The following PDE4D variants were observed in gnomAD, a reference collection of about 807,000 sequenced individuals.
PDE4D encodes phosphodiesterase 4D.
In PDE4D, 24 loss-of-function variants were observed where a neutral mutation model predicts 87.4. The ratio of observed to expected loss-of-function variants is 0.27; its 90% confidence interval spans 0.20 to 0.39. PDE4D has a LOEUF of 0.39. Ranked by LOEUF, PDE4D falls within the 10% of genes least tolerant of loss-of-function variation. The pLI is 1.00. For synonymous variants in PDE4D, 384 were observed against 383.2 expected (o/e 1.00, Z -0.02); for missense variants, 714 against 1,041.0 (o/e 0.69, Z 4.32).
At chr5:59,009,525 T>A (rs1341642910) in intron 6 of PDE4D, among the ~76,000 whole-genome samples, 1 of 152,178 alleles carries the variant, frequency 6.6e-6, no homozygotes, top group Non-Finnish European at 1.5e-5. Flanking sequence ...AGGCTATATC[T>A]TTAATGTATT....
chr5:60,108,319 T>C (rs1177947377), intron 2 of PDE4D, among the ~76,000 whole-genome samples: 1 of 151,652 alleles, frequency 6.6e-6, no homozygotes, highest in Non-Finnish European at 1.5e-5. Flanking sequence ...GAAGGACCTC[T>C]TCAAGGAGAA....
chr5:59,133,525 G>A (rs906490513), intron 5 of PDE4D, among the ~76,000 whole-genome samples: 1 of 152,034 alleles, frequency 6.6e-6, no homozygotes, highest in Non-Finnish European at 1.5e-5. Context: ...CATTACAAAA[G>A]CTTAATTTAA....
chr5:60,186,335 T>C (rs535684961), intron 1 of PDE4D, among the ~76,000 whole-genome samples: 1 of 152,288 alleles, frequency 6.6e-6, no homozygotes, highest in East Asian at 1.9e-4. Flanking sequence ...TCCAGAGTAA[T>C]TGCCACTTGA....
chr5:60,150,598 T>C (rs1158135097), intron 2 of PDE4D, among the ~76,000 whole-genome samples: 1 of 152,118 alleles, frequency 6.6e-6, no homozygotes, highest in Admixed American at 6.6e-5. Context: ...GCATGGTAAA[T>C]AGCCATTTCT....
chr5:59,024,693 CGT>C (rs556423143), intron 6 of PDE4D, among the ~76,000 whole-genome samples: 2,297 of 152,112 alleles, frequency 0.015, 36 homozygotes, highest in Middle Eastern at 0.061. Context: ...GTAAACTAAT[CGT>C]TTCCTGATGT....
At chr5:59,157,176 TGAAG>T in intron 5 of PDE4D, 2 of 595,110 alleles carry the variant, frequency 3.4e-6, no homozygotes, top group Admixed American at 3.0e-5. Context: ...TTTTTCTTTC[TGAAG>T]GGTTAGAATT....
chr5:59,821,497 T>A (rs1769666427), intron 1 of PDE4D, among the ~76,000 whole-genome samples: 1 of 152,218 alleles, frequency 6.6e-6, no homozygotes, highest in African/African-American at 2.4e-5. Flanking sequence ...ATGGATTACA[T>A]CTAATTTATT....
intron 1 of PDE4D, among the ~76,000 whole-genome samples, chr5:60,241,848 T>G (rs1469578067): frequency 6.6e-6 from 1 of 152,068 alleles, no homozygotes; most frequent in African/African-American, 2.4e-5. Flanking sequence ...AGAAGACTAA[T>G]GCAGGTGTTT....
chr5:59,225,055 ACTCT>A (rs750667436), intron 1 of PDE4D, among the ~76,000 whole-genome samples: 16 of 152,116 alleles, frequency 1.1e-4, no homozygotes, highest in South Asian at 4.1e-4. Flanking sequence ...CTTAACTGAA[ACTCT>A]CTCTAAGAAA....
chr5:59,016,132 G>C (rs576862461), intron 6 of PDE4D, among the ~76,000 whole-genome samples: 1 of 152,262 alleles, frequency 6.6e-6, no homozygotes, highest in East Asian at 1.9e-4. Context: ...CTGTTGTGGG[G>C]TGAGGGGAGT....
At chr5:60,382,884 A>T (rs552228753) in intron 1 of PDE4D, among the ~76,000 whole-genome samples, 1 of 152,112 alleles carries the variant, frequency 6.6e-6, no homozygotes, top group Non-Finnish European at 1.5e-5. Flanking sequence ...ACTTCCTTCA[A>T]TGAAGAGTTC....
intron 1 of PDE4D, among the ~76,000 whole-genome samples, chr5:59,351,026 A>T (rs142805561): frequency 1.3e-5 from 2 of 152,330 alleles, no homozygotes; most frequent in African/African-American, 4.8e-5. Context: ...ATGATAGTTT[A>T]TCTGAAAATG....
chr5:59,672,145 A>G (rs931409222), intron 1 of PDE4D, among the ~76,000 whole-genome samples: 12 of 152,182 alleles, frequency 7.9e-5, no homozygotes, highest in African/African-American at 2.9e-4. Context: ...CAGTAACAGC[A>G]TGCCTAGCCA....
chr5:59,617,626 A>G (rs1486921368), intron 1 of PDE4D, among the ~76,000 whole-genome samples: 3 of 152,214 alleles, frequency 2.0e-5, no homozygotes, highest in African/African-American at 7.2e-5. Flanking sequence ...CACAGAAGGA[A>G]CACTATGTGA....
chr5:59,388,454 T>A (rs1303328757), intron 1 of PDE4D, among the ~76,000 whole-genome samples: 1 of 152,050 alleles, frequency 6.6e-6, no homozygotes, highest in Non-Finnish European at 1.5e-5. Flanking sequence ...CTAAAAATAG[T>A]ACTACCATAT....
At chr5:60,305,120 C>G (rs1583361776) in intron 1 of PDE4D, among the ~76,000 whole-genome samples, 1 of 151,256 alleles carries the variant, frequency 6.6e-6, no homozygotes, top group African/African-American at 2.4e-5. Flanking sequence ...CAGAACAAAC[C>G]TCTGAAAAAT....
chr5:59,045,337 T>C (rs1239286398), intron 5 of PDE4D, among the ~76,000 whole-genome samples: 8 of 152,090 alleles, frequency 5.3e-5, no homozygotes, highest in Non-Finnish European at 1.2e-4. Context: ...GTGGATCACC[T>C]GAGGTCGGGA....
chr5:59,129,756 A>G (rs943111489), intron 5 of PDE4D, among the ~76,000 whole-genome samples: 3 of 152,170 alleles, frequency 2.0e-5, no homozygotes, highest in Non-Finnish European at 4.4e-5. Flanking sequence ...GAGATGGGGC[A>G]GATGCTGGTT....
intron 5 of PDE4D, among the ~76,000 whole-genome samples, chr5:59,149,716 T>G (rs1779198837): frequency 6.8e-6 from 1 of 147,658 alleles, no homozygotes; most frequent in South Asian, 2.2e-4. Flanking sequence ...GTTTTTTTTT[T>G]TTTTTTTTTT....
Sources: allele counts gnomAD v4.1 joint callset (sites outside exome capture counted in the v4.1 genomes callset), GRCh38; gene constraint gnomAD v4.1.1; transcripts MANE v1.5; gene names NCBI Gene and HGNC (gene_info 2026-07-23, HGNC 2026-07-21).